Variants in ISL1 observed in about 807,000 individuals in gnomAD.
The protein encoded by ISL1 is insulin gene enhancer protein ISL-1.
In ISL1, 4 loss-of-function variants were observed where a neutral mutation model predicts 35.3. The observed-to-expected ratio is 0.11, with a 90% CI of 0.06 to 0.26. The LOEUF is 0.26. ISL1 is among the 10% of genes least tolerant of loss of function. The pLI is 1.00. For missense variants in ISL1, 340 were observed against 472.8 expected, an observed-to-expected ratio of 0.72 and a Z score of 2.60; for synonymous variants, 186 against 172.3, an observed-to-expected ratio of 1.08 and a Z score of -0.62.
At chr5:51,384,452 G>T in intron 1 of ISL1, 89 bp from the exon 2 acceptor site, 3 of 1,137,200 alleles carry the variant, frequency 2.6e-6, no homozygotes, top group Non-Finnish European at 3.9e-6. Flanking sequence ...ACCTCCCAGA[G>T]TACGCCCTAT....
intron 5 of ISL1, among the ~76,000 whole-genome samples, chr5:51,391,765 A>G (rs945545617): frequency 4.6e-5 from 7 of 152,126 alleles, no homozygotes; most frequent in Non-Finnish European, 8.8e-5. Context: ...AGAATCATAC[A>G]TCTTAGAATT....
At chr5:51,393,419 C>T (rs772746523) in intron 5 of ISL1, 75 bp from the exon 6 acceptor site, 2 of 849,426 alleles carry the variant, frequency 2.4e-6, no homozygotes, top group Admixed American at 3.4e-5. Flanking sequence ...TCTACATATA[C>T]AATATGATGA....
Position 51,389,952 on chromosome 5 carries a change from G to A in ISL1, c.765+20G>A. 6.2e-7 allele frequency: 1 copy of A among 1,611,412 alleles called. No individual in the cohort carries two copies. Among genetic ancestry groups the A allele is most frequent in the Non-Finnish European group, 8.5e-7 (1 of 1,177,996 alleles). ...AAAACTGTGAGTGGCTCTGGGGCCG[G>A]GCAGGGAATGCGAGGGGGAAGGAGA... is the stretch of plus-strand genomic sequence containing the variant. On this transcript the variant is annotated intron_variant, in intron 4 of 5. Coordinates refer to ENST00000230658, the MANE Select transcript of ISL1 (RefSeq NM_002202.3). The surrounding 1 kb of genome is among the most constrained non-coding windows in gnomAD (Gnocchi z 5.0).
At chr5:51,390,759 C>T (rs1378430266) in intron 4 of ISL1, among the ~76,000 whole-genome samples, 5 of 142,776 alleles carry the variant, frequency 3.5e-5, no homozygotes, top group Admixed American at 1.5e-4. Flanking sequence ...TGGGCCAGGG[C>T]ACTTTCTGAG....
rs1347595681 is a variant in ISL1 at position 51,390,226 on chromosome 5, C to G, written c.765+294C>G. On this transcript the variant is annotated intron_variant, in intron 4 of 5. Coordinates refer to ENST00000230658, the MANE Select transcript of ISL1 (RefSeq NM_002202.3). Reference sequence around the variant, plus strand: ...CTTCCACCTCGCCTGTACCTGTGAACCGGAGAAACGCCGTCCTCCCCTCTG... The same window carrying G: ...CTTCCACCTCGCCTGTACCTGTGAAGCGGAGAAACGCCGTCCTCCCCTCTG... 3.9e-5 allele frequency among the ~76,000 whole-genome samples: 6 copies of G among 152,176 alleles called. No individual in the cohort carries two copies. In the East Asian group the frequency reaches 1.2e-3, roughly 29 times the overall value.
Position 51,394,543 on chromosome 5 carries a change from T to C in ISL1, c.*933T>C, listed in dbSNP as rs1450067268. ...GGAAGACTTGCCACTTTTCATGTCA[T>C]TTGACATTTTTTGTTTGCTGAAGTG... On this transcript the variant is annotated 3_prime_UTR_variant, in exon 6 of 6. Transcript: ENST00000230658. The C allele has an allele frequency of 6.6e-6, 1 of 152,618 alleles. No homozygotes were observed. Among genetic ancestry groups the C allele is most frequent in the Non-Finnish European group, 1.5e-5 (1 of 68,036 alleles). 9.5% of individuals were successfully genotyped at this position (152,618 alleles called of 1,614,324 possible). A position where few individuals can be genotyped will look rare whatever the true frequency, so the allele number is the denominator to read the frequency against.
chr5:51,388,568 G>A (rs1383558357), intron 3 of ISL1, among the ~76,000 whole-genome samples: 2 of 152,196 alleles, frequency 1.3e-5, no homozygotes, highest in African/African-American at 4.8e-5. Context: ...ACACAGCAAG[G>A]TTGGCCGGGA....
rs974448756 is a variant in ISL1, at chr5:51,394,708, T to C, written c.*1098T>C. ...TTCAGGACTATTTCACTAATAAACA[T>C]TTGGCATAGATAAATAAATAAACAC... On this transcript the variant is annotated 3_prime_UTR_variant, in exon 6 of 6. Coordinates refer to ENST00000230658, the MANE Select transcript of ISL1 (RefSeq NM_002202.3). The C allele has an allele frequency of 6.6e-6, 1 of 152,640 alleles. No individual in the cohort carries two copies. Among genetic ancestry groups the C allele is most frequent in the Non-Finnish European group, 1.5e-5 (1 of 68,038 alleles). The allele number at this position is 152,640 out of a possible 1,614,324, so 9.5% of individuals were successfully genotyped here. A position where few individuals can be genotyped will look rare whatever the true frequency, so the allele number is the denominator to read the frequency against.
At position 51,391,256 on chromosome 5, in the gene ISL1, TG is replaced by T. The variant is rs756479085; in HGVS notation, c.766-12del. ...TGCTCATTAACATGTTGGGATTGGT[TG>T]GGGGGCCTATTCACAGAATATCCAG... is the stretch of plus-strand genomic sequence containing the variant. On this transcript the variant is annotated splice_polypyrimidine_tract_variant and intron_variant, in intron 4 of 5. Transcript: ENST00000230658. The T allele has an allele frequency of 1.9e-6, 3 of 1,611,552 alleles. No individual in the cohort carries two copies. The highest frequency in any genetic ancestry group is 2.5e-6 in the Non-Finnish European group (3 of 1,179,518).
chr5:51,390,951 C>T (rs1747499741), intron 4 of ISL1, among the ~76,000 whole-genome samples: 1 of 151,684 alleles, frequency 6.6e-6, no homozygotes, highest in Non-Finnish European at 1.5e-5. Flanking sequence ...CTTTTTAGTT[C>T]TGGGAAGCTA....
chr5:51,393,785 T>C lies in ISL1; in HGVS notation c.*175T>C. Reference sequence around the variant, plus strand: ...ACAAGGTGATATGGTAGCAACACTGTGAAGACAATCATGGGATTTTACTAG... The same window carrying C: ...ACAAGGTGATATGGTAGCAACACTGCGAAGACAATCATGGGATTTTACTAG... On this transcript the variant is annotated 3_prime_UTR_variant, in exon 6 of 6. Coordinates refer to ENST00000230658, the MANE Select transcript of ISL1 (RefSeq NM_002202.3). The C allele has an allele frequency of 1.5e-6, 1 of 645,778 alleles. No individual in the cohort carries two copies. Among genetic ancestry groups the C allele is most frequent in the South Asian group, 1.8e-5 (1 of 56,062 alleles). The allele number at this position is 645,778 out of a possible 1,614,324, so 40.0% of individuals were successfully genotyped here.
chr5:51,383,573 A>G lies in ISL1; in HGVS notation c.-99A>G, dbSNP rs1393079933. On this transcript the variant is annotated 5_prime_UTR_variant, in exon 1 of 6. Transcript: ENST00000230658. ...TCAGCATTGGCAACCCCAGGGGCCA[A>G]TATTTCCCACTTAGCCACAGCTCCA... 10 of 1,063,304 alleles carry G rather than the reference A, an allele frequency of 9.4e-6. No individual in the cohort carries two copies. Among genetic ancestry groups the G allele is most frequent in the African/African-American group, 9.3e-5 (6 of 64,250 alleles). The allele number at this position is 1,063,304 out of a possible 1,614,324, so 65.9% of individuals were successfully genotyped here. A position where few individuals can be genotyped will look rare whatever the true frequency, so the allele number is the denominator to read the frequency against.
chr5:51,384,777 T>C, intron 2 of ISL1, 47 bp downstream of exon 2: 1 of 1,510,334 alleles, frequency 6.6e-7, no homozygotes, highest in Non-Finnish European at 9.2e-7. Context: ...TTTCCCTGAA[T>C]CTCCCCACTC....
At chr5:51,391,612 C>T in intron 5 of ISL1, 171 bp downstream of exon 5, 1 of 687,578 alleles carries the variant, frequency 1.5e-6, no homozygotes, top group Non-Finnish European at 2.5e-6. Context: ...GGAAAACGAA[C>T]CTCTTGGCAT....
chr5:51,394,101 G>T lies in ISL1; in HGVS notation c.*491G>T, dbSNP rs1475764782. On this transcript the variant is annotated 3_prime_UTR_variant, in exon 6 of 6. Transcript: ENST00000230658. ...TTGGCTGAAAGAGTCCTTTCAGGAA[G>T]GTGGAGCTGCATTGGTTTGATATGT... 3 of 183,820 alleles carry T rather than the reference G, an allele frequency of 1.6e-5. No individual in the cohort carries two copies. The highest frequency in any genetic ancestry group is 2.3e-5 in the Non-Finnish European group (2 of 87,744). The allele number at this position is 183,820 out of a possible 1,614,324, so 11.4% of individuals were successfully genotyped here.
intron 2 of ISL1, chr5:51,386,469 C>A: frequency 2.4e-6 from 1 of 418,210 alleles, no homozygotes; most frequent in Non-Finnish European, 4.7e-6. Flanking sequence ...CACATCTCTC[C>A]TTGGAGAAGC....
chr5:51,390,532 G>C (rs1388233559), intron 4 of ISL1, among the ~76,000 whole-genome samples: 1 of 151,520 alleles, frequency 6.6e-6, no homozygotes, highest in Non-Finnish European at 1.5e-5. Flanking sequence ...CAGGCCCCTC[G>C]CACCAGTATC....
rs1747475980 is a variant in ISL1 at position 51,390,636 on chromosome 5, C to CCTTTTTTTTTTTTTTTTTTTT, written c.766-638_766-637insCTTTTTTTTTTTTTTTTTTTT. 1.6e-4 allele frequency among the ~76,000 whole-genome samples: 12 copies of CCTTTTTTTTTTTTTTTTTTTT among 74,326 alleles called. 1 individual carries two copies. Among genetic ancestry groups the CCTTTTTTTTTTTTTTTTTTTT allele is most frequent in the African/African-American group, 5.1e-4 (12 of 23,650 alleles). 48.8% of individuals were successfully genotyped at this position (74,326 alleles called of 152,430 possible). A position where few individuals can be genotyped will look rare whatever the true frequency, so the allele number is the denominator to read the frequency against. The stretch of plus-strand genomic sequence containing the variant: ...TTTTCTTCCTTTTTTTCTTTTCTTT[C>CCTTTTTTTTTTTTTTTTTTTT]TTTTTCTTTTTTTTTTTTTTTTTTT... On this transcript the variant is annotated intron_variant, in intron 4 of 5. Transcript: ENST00000230658.
In ISL1 at chr5:51,389,708, A is replaced by G; in HGVS notation, c.541A>G (p.Thr181Ala). 6.2e-7 allele frequency: 1 copy of G among 1,613,766 alleles called. No homozygotes were observed. The highest frequency in any genetic ancestry group is 8.5e-7 in the Non-Finnish European group (1 of 1,179,980). The change falls in exon 4 of 6, where the codon ACC becomes GCC. Residue 181 changes from threonine to alanine, a missense_variant. Transcript: ENST00000230658. This position sits in a 1 kb window ranked among gnomAD's most constrained non-coding sequence, Gnocchi z 5.0. Reference sequence around the variant, plus strand: ...CCACGTCCACAAGCAGCCGGAGAAGACCACCCGCGTGCGGACTGTGCTGAA... The same window carrying G: ...CCACGTCCACAAGCAGCCGGAGAAGGCCACCCGCGTGCGGACTGTGCTGAA... ...RPHVHKQPEK[T>A]TRVRTVLNEK...
Sources: allele counts gnomAD v4.1 joint callset (sites outside exome capture counted in the v4.1 genomes callset), GRCh38; gene constraint gnomAD v4.1.1; non-coding constraint Gnocchi (gnomAD v3.1); transcripts MANE v1.5; gene names NCBI Gene and HGNC (gene_info 2026-07-23, HGNC 2026-07-21).